Variants in CCDC7 observed in about 807,000 individuals in gnomAD.
CCDC7 encodes the protein coiled-coil domain containing 7.
In CCDC7, 183 loss-of-function variants were observed where a neutral mutation model predicts 196.9. The observed-to-expected ratio is 0.93, with a 90% CI of 0.82 to 1.05. The LOEUF is 1.05. Among genes scored for constraint, CCDC7 ranks in the 50% least tolerant of loss-of-function variants. The probability of loss-of-function intolerance (pLI) is 0.00; values close to 1 mark genes in which losing one functional copy is unlikely to be tolerated. For missense variants in CCDC7, 1,540 were observed against 1,482.2 expected, an observed-to-expected ratio of 1.04 and a Z score of -0.64; for synonymous variants, 525 against 484.6, an observed-to-expected ratio of 1.08 and a Z score of -1.10.
intron 32 of CCDC7, among the ~76,000 whole-genome samples, chr10:32,828,483 G>GA (rs1565634074): frequency 0.019 from 1,354 of 71,982 alleles, 54 homozygotes; most frequent in Middle Eastern, 0.031. Context: ...GGAAGAGGAA[G>GA]AGGAAGAAGA....
chr10:32,737,186 G>A (rs963380196), intron 28 of CCDC7, among the ~76,000 whole-genome samples: 8 of 152,144 alleles, frequency 5.3e-5, no homozygotes, highest in Admixed American at 4.6e-4. Context: ...TTGCATGAAT[G>A]TTGCGTACCT....
intron 1 of CCDC7, among the ~76,000 whole-genome samples, chr10:32,452,974 G>A (rs568452315): frequency 1.3e-5 from 2 of 152,166 alleles, no homozygotes; most frequent in East Asian, 3.9e-4. Context: ...TTGCTTTCTG[G>A]TCTCCATCTT....
intron 28 of CCDC7, among the ~76,000 whole-genome samples, chr10:32,775,714 AT>A (rs568269218): frequency 9.5e-4 from 145 of 152,264 alleles, no homozygotes; most frequent in African/African-American, 3.2e-3. Context: ...AAGACAGATA[AT>A]TTTTTTGTAG....
intron 33 of CCDC7, among the ~76,000 whole-genome samples, chr10:32,835,248 G>C (rs973187135): frequency 6.6e-6 from 1 of 151,988 alleles, no homozygotes; most frequent in Non-Finnish European, 1.5e-5. Context: ...CTGTCTAAAA[G>C]TCTCCCACTA....
intron 41 of CCDC7, among the ~76,000 whole-genome samples, chr10:32,858,163 A>G (rs549708467): frequency 2.6e-4 from 39 of 152,308 alleles, no homozygotes; most frequent in African/African-American, 7.5e-4. Flanking sequence ...AGGTCAGAAC[A>G]TTTCGAGGTG....
At chr10:32,690,489 T>C (rs2076957086) in intron 23 of CCDC7, among the ~76,000 whole-genome samples, 1 of 152,220 alleles carries the variant, frequency 6.6e-6, no homozygotes, top group Non-Finnish European at 1.5e-5. Context: ...ATATCCTGTA[T>C]GACAACTGTA....
chr10:32,848,005 T>C, intron 38 of CCDC7, 89 bp downstream of exon 39: 1 of 707,514 alleles, frequency 1.4e-6, no homozygotes, highest in Non-Finnish European at 2.2e-6. Flanking sequence ...TACCTATATG[T>C]TAATATTTCA....
chr10:32,657,863 G>A (rs1185741110), intron 20 of CCDC7, among the ~76,000 whole-genome samples: 7 of 152,106 alleles, frequency 4.6e-5, no homozygotes, highest in African/African-American at 1.4e-4. Flanking sequence ...ACACTTTGCT[G>A]CTTAGAAATT....
chr10:32,847,985 A>C (rs904885123), intron 38 of CCDC7, 69 bp downstream of exon 39: 20 of 934,056 alleles, frequency 2.1e-5, no homozygotes, highest in Non-Finnish European at 2.5e-5. Flanking sequence ...TGAATCTTTA[A>C]TGATAACAGT....
At chr10:32,657,109 G>A (rs1307074572) in intron 20 of CCDC7, among the ~76,000 whole-genome samples, 1 of 152,252 alleles carries the variant, frequency 6.6e-6, no homozygotes, top group Non-Finnish European at 1.5e-5. Flanking sequence ...CACCCTTGTG[G>A]CTTTGTGGGG....
intron 41 of CCDC7, among the ~76,000 whole-genome samples, chr10:32,860,516 C>A (rs2136461211): frequency 6.6e-6 from 1 of 152,278 alleles, no homozygotes; most frequent in Admixed American, 6.5e-5. Context: ...GACAAGGATG[C>A]CCTCTCTCAC....
chr10:32,583,320 T>C lies in CCDC7; in HGVS notation c.1728+13T>C. 4 of 1,220,888 alleles carry C rather than the reference T, an allele frequency of 3.3e-6. No individual in the cohort carries two copies. Among genetic ancestry groups the C allele is most frequent in the Admixed American group, 4.2e-5 (1 of 23,684 alleles). 75.6% of individuals were successfully genotyped at this position (1,220,888 alleles called of 1,614,324 possible). A position where few individuals can be genotyped will look rare whatever the true frequency, so the allele number is the denominator to read the frequency against. On this transcript the variant is annotated intron_variant, in intron 17 of 41. Transcript: ENST00000639629. Reference sequence around the variant, plus strand: ...AGAAAGTAAAAAGGTATGATATATATAGAAACTTGAAAGCTGTTTATTTCA... The same window carrying C: ...AGAAAGTAAAAAGGTATGATATATACAGAAACTTGAAAGCTGTTTATTTCA...
chr10:32,677,986 T>G (rs577609233), intron 21 of CCDC7, among the ~76,000 whole-genome samples: 1 of 152,206 alleles, frequency 6.6e-6, no homozygotes, highest in African/African-American at 2.4e-5. Flanking sequence ...CTTGATAAAG[T>G]CTGCTTTTGA....
chr10:32,834,577 T>TC, intron 32 of CCDC7, among the ~76,000 whole-genome samples: 1 of 152,162 alleles, frequency 6.6e-6, no homozygotes, highest in South Asian at 2.1e-4. Flanking sequence ...TCTGATTTTG[T>TC]TCAAATCACT....
At chr10:32,663,041 T>A (rs1423097798) in intron 20 of CCDC7, among the ~76,000 whole-genome samples, 1 of 152,102 alleles carries the variant, frequency 6.6e-6, no homozygotes, top group African/African-American at 2.4e-5. Flanking sequence ...GAGGTTCTCA[T>A]ATGTATGTAA....
chr10:32,639,397 T>C (rs1179510730), intron 20 of CCDC7, among the ~76,000 whole-genome samples: 2 of 152,198 alleles, frequency 1.3e-5, no homozygotes. Context: ...CTCTACACAC[T>C]GCTTTGAATG....
At chr10:32,443,496 T>C (rs1205548887), upstream of CCDC7, among the ~76,000 whole-genome samples, 1 of 152,224 alleles carries the variant, frequency 6.6e-6, no homozygotes, top group Non-Finnish European at 1.5e-5. Flanking sequence ...CTTTCAGGTA[T>C]GGCACGAGGC....
intron 41 of CCDC7, among the ~76,000 whole-genome samples, chr10:32,860,789 A>G (rs575475336): frequency 1.3e-5 from 2 of 152,338 alleles, no homozygotes; most frequent in South Asian, 4.1e-4. Flanking sequence ...GAGCCAAATC[A>G]TGAGTGAACT....
chr10:32,511,808 C>T (rs971602721), intron 9 of CCDC7: 36 of 1,039,730 alleles, frequency 3.5e-5, no homozygotes, highest in Admixed American at 1.2e-4. Context: ...ACGACAATGA[C>T]GCGCCAGCTC....
Sources: allele counts gnomAD v4.1 joint callset (sites outside exome capture counted in the v4.1 genomes callset), GRCh38; gene constraint gnomAD v4.1.1; transcripts MANE v1.5; gene names NCBI Gene and HGNC (gene_info 2026-07-23, HGNC 2026-07-21).